HIVEP3: variants seen among roughly 807,000 people sequenced by gnomAD.
HIVEP3 encodes the protein HIVEP zinc finger 3, also known as transcription factor HIVEP3.
Under a neutral mutation model 152.8 loss-of-function variants are expected in HIVEP3, and 49 were observed. The observed-to-expected ratio is 0.32, with a 90% CI of 0.26 to 0.41. HIVEP3 has a LOEUF of 0.41. HIVEP3 is among the 10% of genes least tolerant of loss of function. The pLI is 1.00. For synonymous variants in HIVEP3, 1,269 were observed against 1,289.0 expected, an observed-to-expected ratio of 0.98 and a Z score of 0.33; for missense variants, 2,790 against 3,103.3, an observed-to-expected ratio of 0.90 and a Z score of 2.40.
chr1:41,933,240 T>C (rs1645003929), intron 1 of HIVEP3, among the ~76,000 whole-genome samples: 1 of 152,082 alleles, frequency 6.6e-6, no homozygotes, highest in South Asian at 2.1e-4. Context: ...ATTTGTTCTA[T>C]CATTTACTGA....
chr1:41,727,429 G>T (rs555818001), intron 1 of HIVEP3, among the ~76,000 whole-genome samples: 2 of 152,216 alleles, frequency 1.3e-5, no homozygotes, highest in Non-Finnish European at 2.9e-5. Flanking sequence ...ATCCCAAAGT[G>T]GCAGCAGGCA....
intron 1 of HIVEP3, among the ~76,000 whole-genome samples, chr1:42,011,946 T>C (rs1448333559): frequency 6.6e-6 from 1 of 152,194 alleles, no homozygotes; most frequent in Non-Finnish European, 1.5e-5. Context: ...GGAACTTCTC[T>C]ACAGGGCCTC....
chr1:41,853,875 T>C (rs1056327683), intron 1 of HIVEP3, among the ~76,000 whole-genome samples: 1 of 152,284 alleles, frequency 6.6e-6, no homozygotes, highest in African/African-American at 2.4e-5. Flanking sequence ...TCTAGGCTGC[T>C]GATGCCAGCT....
chr1:41,762,460 C>T (rs1325076619), intron 1 of HIVEP3, among the ~76,000 whole-genome samples: 1 of 152,236 alleles, frequency 6.6e-6, no homozygotes, highest in African/African-American at 2.4e-5. Context: ...GATCCGCAGG[C>T]TGGAGCAGGG....
At position 41,511,430 on chromosome 1, in the gene HIVEP3, T is replaced by C. The variant is rs1174152885; in HGVS notation, c.6406-164A>G. Among the ~76,000 whole-genome samples the C allele has an allele frequency of 2.6e-5, 4 of 152,172 alleles. No homozygotes were observed. The highest frequency in any genetic ancestry group is 9.7e-5 in the African/African-American group (4 of 41,438). On this transcript the variant is annotated intron_variant, in intron 8 of 8. Transcript: ENST00000372583. The surrounding 1 kb of genome is among the most constrained non-coding windows in gnomAD (Gnocchi z 4.9). ...AAGTTCCTGACTCCCTGCCCACAGA[T>C]GCTGAGCCAGCTGCCATCTCTGGAA...
In HIVEP3 at chr1:41,513,632, C is replaced by T. The variant is rs1642517653; in HGVS notation, c.5589G>A (p.Glu1863=). 6.2e-7 allele frequency: 1 copy of T among 1,613,866 alleles called. No individual in the cohort carries two copies. The highest frequency in any genetic ancestry group is 8.5e-7 in the Non-Finnish European group (1 of 1,180,004). ...SDSDSDLDED[E]DEDEEESQDE... Reference sequence around the variant, plus strand: ...CCTGGCTCTCCTCCTCATCCTCATCCTCGTCTTCGTCCAGGTCTGAGTCTG... The same window carrying T: ...CCTGGCTCTCCTCCTCATCCTCATCTTCGTCTTCGTCCAGGTCTGAGTCTG... The change falls in exon 8 of 9, where the codon GAG becomes GAA. Residue 1863 remains glutamate, a synonymous_variant. Transcript: ENST00000372583.
At chr1:42,020,675 C>T (rs929764848) in intron 1 of HIVEP3, among the ~76,000 whole-genome samples, 3 of 152,088 alleles carry the variant, frequency 2.0e-5, no homozygotes, top group African/African-American at 7.2e-5. Context: ...AAACTATACA[C>T]CAGGCATTAT....
Position 41,534,986 on chromosome 1 carries a change from C to G in HIVEP3, c.5208-10076G>C, listed in dbSNP as rs625193. Among the ~76,000 whole-genome samples the G allele has an allele frequency of 9.6e-3, 1,458 of 152,272 alleles. 16 individuals carry two copies. The highest frequency in any genetic ancestry group is 0.015 in the Non-Finnish European group (1,001 of 68,022). On this transcript the variant is annotated intron_variant, in intron 5 of 8. Coordinates refer to ENST00000372583, the MANE Select transcript of HIVEP3 (RefSeq NM_024503.5). ...TTCCTTCGGAAATAGTCCTCATAAC[C>G]TGAGACACGGCAGAGCACGGTCACA... is the stretch of plus-strand genomic sequence containing the variant.
At chr1:41,984,183 G>A (rs1645309463) in intron 1 of HIVEP3, among the ~76,000 whole-genome samples, 1 of 152,190 alleles carries the variant, frequency 6.6e-6, no homozygotes, top group African/African-American at 2.4e-5. Flanking sequence ...ATATTGCCCA[G>A]GCTGGTCTTG....
At chr1:41,825,578 GAT>G (rs56346549) in intron 1 of HIVEP3, among the ~76,000 whole-genome samples, 148,931 of 150,280 alleles carry the variant, frequency 0.99, 73,808 homozygotes, top group Middle Eastern at 1. Flanking sequence ...GCCAAAGTGA[GAT>G]ATATATATAT....
chr1:41,778,611 T>C (rs747423738), intron 1 of HIVEP3, among the ~76,000 whole-genome samples: 3 of 152,202 alleles, frequency 2.0e-5, no homozygotes, highest in Non-Finnish European at 4.4e-5. Context: ...GGCTGAGCTC[T>C]CGCTTCATTC....
chr1:41,529,917 A>AC (rs34763153), intron 5 of HIVEP3, among the ~76,000 whole-genome samples: 40,376 of 89,416 alleles, frequency 0.45, 9,083 homozygotes, highest in Non-Finnish European at 0.48. Context: ...ACACACCAAC[A>AC]CCCCCCACCA....
intron 5 of HIVEP3, chr1:41,535,750 A>G (rs1643382757): frequency 6.6e-6 from 1 of 152,188 alleles, no homozygotes; most frequent in South Asian, 2.1e-4. Context: ...GGGTCTTACA[A>G]TCTTCACTGA....
intron 1 of HIVEP3, among the ~76,000 whole-genome samples, chr1:41,855,545 A>G (rs925810536): frequency 5.9e-5 from 9 of 152,216 alleles, no homozygotes; most frequent in Non-Finnish European, 8.8e-5. Context: ...GGTGAAGGAC[A>G]TGAACAGACA....
chr1:41,823,424 T>C (rs2124345042), intron 1 of HIVEP3, among the ~76,000 whole-genome samples: 1 of 152,340 alleles, frequency 6.6e-6, no homozygotes, highest in Middle Eastern at 3.4e-3. Context: ...TAGACTGACT[T>C]GCCCCAGGTT....
In HIVEP3 at chr1:41,899,475, C is replaced by T. The variant is rs573115647; in HGVS notation, c.-801+18938G>A. On this transcript the variant is annotated intron_variant, in intron 1 of 8. Coordinates refer to ENST00000372583, the MANE Select transcript of HIVEP3 (RefSeq NM_024503.5). ...AGGCTGGAGTGCAATGGTGCAATCT[C>T]GGCTCACTGCAGCCTCTGCTGCCCG... 1.4e-4 allele frequency among the ~76,000 whole-genome samples: 22 copies of T among 152,246 alleles called. No individual in the cohort carries two copies. The South Asian group carries it at 3.9e-3, about 27-fold the overall frequency.
chr1:41,643,906 T>TTTTTTTTTTTTTTTTTG (rs1553242264), intron 2 of HIVEP3, among the ~76,000 whole-genome samples: 2 of 143,602 alleles, frequency 1.4e-5, no homozygotes, highest in Admixed American at 7.2e-5. Context: ...TTTTTTTTTT[T>TTTTTTTTTTTTTTTTTG]GACAGGGTCT....
At chr1:41,783,612 C>A (rs1306792298) in intron 1 of HIVEP3, among the ~76,000 whole-genome samples, 7 of 152,172 alleles carry the variant, frequency 4.6e-5, no homozygotes, top group Non-Finnish European at 1.0e-4. Flanking sequence ...CACACACACA[C>A]AGAGACACAC....
intron 1 of HIVEP3, among the ~76,000 whole-genome samples, chr1:41,833,435 C>G (rs564388077): frequency 1.2e-3 from 180 of 149,574 alleles, no homozygotes; most frequent in East Asian, 5.9e-4. Flanking sequence ...AGGAAAAAAA[C>G]TAAAGTAAGA....
Sources: gnomAD v4.1 joint callset for allele counts (sites outside exome capture counted in the v4.1 genomes callset) on GRCh38, gnomAD v4.1.1 for gene constraint, Gnocchi (gnomAD v3.1) non-coding constraint, MANE v1.5 for transcripts, NCBI Gene and HGNC (gene_info 2026-07-23, HGNC 2026-07-21) for gene names.